WDFY2: variants seen among roughly 807,000 people sequenced by gnomAD.
WDFY2 encodes the protein WD repeat and FYVE domain-containing protein 2.
WDFY2 carries 36 observed loss-of-function variants against 56.4 expected under a neutral mutation model. That is an observed-to-expected ratio of 0.64 (90% CI 0.49 to 0.84). WDFY2 has a LOEUF of 0.84. Ranked by LOEUF, WDFY2 falls within the 40% of genes least tolerant of loss-of-function variation. The pLI is 0.00. For synonymous variants in WDFY2, 176 were observed against 183.7 expected (o/e 0.96, Z 0.34); for missense variants, 444 against 512.2 (o/e 0.87, Z 1.29).
At chr13:51,756,703 G>C in intron 10 of WDFY2, 1 of 955,264 alleles carries the variant, frequency 1.0e-6, no homozygotes, top group Non-Finnish European at 1.2e-6. Flanking sequence ...TCTAGGTTAT[G>C]TGCCTTTAAA....
At chr13:51,699,778 G>A (rs1303038768) in intron 3 of WDFY2, among the ~76,000 whole-genome samples, 2 of 152,186 alleles carry the variant, frequency 1.3e-5, no homozygotes, top group Non-Finnish European at 2.9e-5. Context: ...TAATCTAGCG[G>A]TGTTTATTAA....
intron 1 of WDFY2, among the ~76,000 whole-genome samples, chr13:51,634,312 C>T (rs1955006834): frequency 6.7e-6 from 1 of 150,070 alleles, no homozygotes; most frequent in South Asian, 2.1e-4. Flanking sequence ...TCTGTGAGTT[C>T]TGTGAGGGCC....
At chr13:51,687,784 C>T (rs1956086123) in intron 3 of WDFY2, among the ~76,000 whole-genome samples, 1 of 152,056 alleles carries the variant, frequency 6.6e-6, no homozygotes, top group Admixed American at 6.6e-5. Flanking sequence ...TCACTGATAG[C>T]TTTCATTTAA....
intron 7 of WDFY2, among the ~76,000 whole-genome samples, chr13:51,739,763 G>C (rs1251362866): frequency 6.6e-6 from 1 of 152,172 alleles, no homozygotes; most frequent in Admixed American, 6.5e-5. Context: ...GAGAATCTCT[G>C]AGATGTCCGG....
Position 51,759,848 on chromosome 13 carries a change from A to T in WDFY2, c.*79A>T. On this transcript the variant is annotated 3_prime_UTR_variant, in exon 12 of 12. Transcript: ENST00000298125. Reference sequence around the variant, plus strand: ...ACCCAAATCATTACCAGAGTGGTAAAGCAGACATGTGAGAAGTAAGAAAGA... The same window carrying T: ...ACCCAAATCATTACCAGAGTGGTAATGCAGACATGTGAGAAGTAAGAAAGA... 3 of 1,455,222 alleles carry T rather than the reference A, an allele frequency of 2.1e-6. No individual in the cohort carries two copies. Among genetic ancestry groups the T allele is most frequent in the Non-Finnish European group, 2.9e-6 (3 of 1,043,862 alleles). The allele number at this position is 1,455,222 out of a possible 1,614,324, so 90.1% of individuals were successfully genotyped here.
chr13:51,748,548 A>C (rs931214247), intron 7 of WDFY2, among the ~76,000 whole-genome samples: 4 of 152,224 alleles, frequency 2.6e-5, no homozygotes, highest in Non-Finnish European at 4.4e-5. Context: ...AACATTTAAA[A>C]ATAAACATAG....
intron 1 of WDFY2, among the ~76,000 whole-genome samples, chr13:51,602,885 G>T (rs1247511300): frequency 1.3e-5 from 2 of 152,102 alleles, no homozygotes; most frequent in Non-Finnish European, 2.9e-5. Context: ...GGTTCCATTT[G>T]CATTTTGTAT....
intron 5 of WDFY2, among the ~76,000 whole-genome samples, chr13:51,726,399 A>T (rs1221108139): frequency 6.6e-6 from 1 of 152,146 alleles, no homozygotes; most frequent in Non-Finnish European, 1.5e-5. Context: ...AATAACATGG[A>T]GTGACTAGCC....
At chr13:51,713,111 TC>T (rs1952261720) in intron 4 of WDFY2, among the ~76,000 whole-genome samples, 1 of 152,160 alleles carries the variant, frequency 6.6e-6, no homozygotes. Context: ...TGAAAGACTT[TC>T]CAGCCCATTC....
intron 2 of WDFY2, among the ~76,000 whole-genome samples, chr13:51,661,897 C>T (rs1456327346): frequency 6.6e-6 from 1 of 151,996 alleles, no homozygotes; most frequent in Non-Finnish European, 1.5e-5. Flanking sequence ...TAAGCCATGG[C>T]GGTGATGAGG....
intron 2 of WDFY2, among the ~76,000 whole-genome samples, chr13:51,673,270 T>C (rs1312672644): frequency 6.6e-6 from 1 of 152,222 alleles, no homozygotes; most frequent in East Asian, 1.9e-4. Context: ...GTGGGTTTTC[T>C]AATTATAGCA....
chr13:51,626,705 T>C (rs545502720), intron 1 of WDFY2, among the ~76,000 whole-genome samples: 2 of 152,382 alleles, frequency 1.3e-5, no homozygotes, highest in East Asian at 3.9e-4. Context: ...CTTCAGTGTT[T>C]CATATCACAT....
intron 1 of WDFY2, among the ~76,000 whole-genome samples, chr13:51,634,801 A>G (rs1206985568): frequency 6.6e-6 from 1 of 152,058 alleles, no homozygotes; most frequent in Non-Finnish European, 1.5e-5. Context: ...ACATTTGTTT[A>G]TTGATCAAAA....
intron 1 of WDFY2, among the ~76,000 whole-genome samples, chr13:51,645,221 G>T (rs1458464773): frequency 2.0e-5 from 3 of 151,618 alleles, no homozygotes; most frequent in Non-Finnish European, 4.4e-5. Flanking sequence ...CAGATCGCTA[G>T]GGGCTGCCTT....
intron 4 of WDFY2, among the ~76,000 whole-genome samples, chr13:51,706,256 T>C (rs1347425988): frequency 6.6e-6 from 1 of 152,170 alleles, no homozygotes; most frequent in African/African-American, 2.4e-5. Context: ...TCATGGGAGA[T>C]ACAAATAAAA....
Position 51,751,360 on chromosome 13 carries a change from C to T in WDFY2, c.776C>T (p.Ser259Phe), listed in dbSNP as rs767873270. Reference sequence around the variant, plus strand: ...GCACAGCACACGCGACAATTGATCTCCTGTGGCGGTGATGGTGGGATTGTC... The same window carrying T: ...GCACAGCACACGCGACAATTGATCTTCTGTGGCGGTGATGGTGGGATTGTC... ...SYAQHTRQLI[S>F]CGGDGGIVVW... The change falls in exon 8 of 12, where the codon TCC becomes TTC. Residue 259 changes from serine to phenylalanine, a missense_variant. Coordinates refer to ENST00000298125, the MANE Select transcript of WDFY2 (RefSeq NM_052950.4). 2.5e-6 allele frequency: 4 copies of T among 1,614,054 alleles called. No homozygotes were observed. The highest frequency in any genetic ancestry group is 3.4e-6 in the Non-Finnish European group (4 of 1,179,950).
intron 2 of WDFY2, among the ~76,000 whole-genome samples, chr13:51,671,430 G>A (rs910040392): frequency 2.0e-5 from 3 of 151,998 alleles, no homozygotes; most frequent in Non-Finnish European, 2.9e-5. Context: ...AGGTGATACC[G>A]CATTGCAGTT....
intron 1 of WDFY2, among the ~76,000 whole-genome samples, chr13:51,655,270 A>G (rs562104125): frequency 6.6e-6 from 1 of 152,142 alleles, no homozygotes; most frequent in African/African-American, 2.4e-5. Context: ...GAGCATCCTT[A>G]TTACTGATTT....
intron 5 of WDFY2, among the ~76,000 whole-genome samples, chr13:51,720,332 A>G (rs1952459748): frequency 6.6e-6 from 1 of 152,212 alleles, no homozygotes; most frequent in African/African-American, 2.4e-5. Context: ...AGGTGAAGAA[A>G]CTTAGAATGA....
Sources: gnomAD v4.1 joint callset for allele counts (sites outside exome capture counted in the v4.1 genomes callset) on GRCh38, gnomAD v4.1.1 for gene constraint, MANE v1.5 for transcripts, NCBI Gene and HGNC (gene_info 2026-07-23, HGNC 2026-07-21) for gene names.